The following MAN1A1 variants were observed in gnomAD, a reference collection of about 807,000 sequenced individuals.
MAN1A1 encodes the protein mannosidase alpha class 1A member 1, also known as mannosyl-oligosaccharide 1,2-alpha-mannosidase IA.
A neutral mutation model predicts 70.8 loss-of-function variants in MAN1A1; 29 were observed. The observed-to-expected ratio is 0.41, with a 90% CI of 0.31 to 0.56. The LOEUF (loss-of-function observed/expected upper bound fraction) is 0.56. Among genes scored for constraint, MAN1A1 ranks in the 20% least tolerant of loss-of-function variants. The pLI is 0.29. For missense variants in MAN1A1, 747 were observed against 841.3 expected (o/e 0.89, Z 1.39); for synonymous variants, 349 against 330.1 (o/e 1.06, Z -0.62).
At chr6:119,350,583 T>C, upstream of MAN1A1, 2 of 983,468 alleles carry the variant, frequency 2.0e-6, no homozygotes, top group Non-Finnish European at 2.4e-6. Context: ...TGCGGTAGCT[T>C]CAAGCAATAA....
chr6:119,183,445 A>G (rs11964813), intron 11 of MAN1A1, among the ~76,000 whole-genome samples: 26,056 of 152,064 alleles, frequency 0.17, 2,711 homozygotes, highest in East Asian at 0.3. Flanking sequence ...GATATGTAGA[A>G]TAAGCCAAAA....
At chr6:119,314,459 T>C (rs906857697) in intron 2 of MAN1A1, among the ~76,000 whole-genome samples, 2 of 152,212 alleles carry the variant, frequency 1.3e-5, no homozygotes, top group East Asian at 3.8e-4. Flanking sequence ...TGATATAATT[T>C]AACACATCCA....
In MAN1A1 at chr6:119,248,260, C is replaced by T. The variant is rs1775221293; in HGVS notation, c.992G>A (p.Ser331Asn). ...GIPWALLNMK[S>N]GIGRNWPWAS... Reference sequence around the variant, plus strand: ...TGTTGTTGAAAATGAAGAGTTTTACCTTTTCATATTCAGCAATGCCCAAGG... The same window carrying T: ...TGTTGTTGAAAATGAAGAGTTTTACTTTTTCATATTCAGCAATGCCCAAGG... The change falls in exon 6 of 13, where the codon AGT becomes AAT. Residue 331 changes from serine to asparagine, a missense_variant and splice_region_variant. This residue lies in a region of MAN1A1 where 419 missense variants were observed against 548.2 expected (regional missense o/e 0.76). Coordinates refer to ENST00000368468, the MANE Select transcript of MAN1A1 (RefSeq NM_005907.4). The T allele has an allele frequency of 6.3e-7, 1 of 1,596,452 alleles. No homozygotes were observed. The highest frequency in any genetic ancestry group is 8.6e-7 in the Non-Finnish European group (1 of 1,165,140).
At chr6:119,248,127 G>A in intron 6 of MAN1A1, 133 bp downstream of exon 6, 3 of 619,708 alleles carry the variant, frequency 4.8e-6, no homozygotes, top group Non-Finnish European at 8.4e-6. Flanking sequence ...CAAAAAGACA[G>A]ATCTCAAGAC....
chr6:119,220,047 A>G (rs1774316240), intron 6 of MAN1A1, among the ~76,000 whole-genome samples: 1 of 152,162 alleles, frequency 6.6e-6, no homozygotes, highest in Non-Finnish European at 1.5e-5. Context: ...CCACATGCAC[A>G]GGAAATTAAT....
Position 119,211,814 on chromosome 6 carries a change from C to CT in MAN1A1, c.993-6933dup, listed in dbSNP as rs556182640. Among the ~76,000 whole-genome samples, 1,175 of 144,490 alleles carry CT rather than the reference C, an allele frequency of 8.1e-3. 9 individuals are homozygous for CT. The highest frequency in any genetic ancestry group is 0.01 in the Non-Finnish European group (677 of 65,548). 94.8% of individuals were successfully genotyped at this position (144,490 alleles called of 152,430 possible). A position where few individuals can be genotyped will look rare whatever the true frequency, so the allele number is the denominator to read the frequency against. ...CCTACTTTTGTGATGTTAAGCTTATCTTTTTTTTTTAAATGAAATAATAGT... is the reference window on the plus strand; with the variant it reads ...CCTACTTTTGTGATGTTAAGCTTATCTTTTTTTTTTTAAATGAAATAATAGT... On this transcript the variant is annotated intron_variant, in intron 6 of 12. Coordinates refer to ENST00000368468, the MANE Select transcript of MAN1A1 (RefSeq NM_005907.4).
At chr6:119,259,424 C>T (rs1448987293) in intron 5 of MAN1A1, among the ~76,000 whole-genome samples, 2 of 152,178 alleles carry the variant, frequency 1.3e-5, no homozygotes, top group East Asian at 3.8e-4. Context: ...ACAAAGTCAA[C>T]TGAATACCTA....
At chr6:119,307,235 C>T (rs887101506) in intron 2 of MAN1A1, among the ~76,000 whole-genome samples, 2 of 152,116 alleles carry the variant, frequency 1.3e-5, no homozygotes, top group African/African-American at 4.8e-5. Context: ...CCATTTAATC[C>T]TATTTAATGC....
intron 2 of MAN1A1, among the ~76,000 whole-genome samples, chr6:119,317,343 T>C (rs1772881334): frequency 6.6e-6 from 1 of 152,198 alleles, no homozygotes; most frequent in East Asian, 1.9e-4. Flanking sequence ...ACTACCATAG[T>C]ATCATAGAGT....
rs751754185 is a variant in MAN1A1 at position 119,201,301 on chromosome 6, C to G, written c.1163G>C (p.Gly388Ala). Residue 388 changes from glycine (G) to alanine (A), a missense_variant, in exon 8 of 13, where the codon GGC becomes GCC. Coordinates refer to ENST00000368468, the MANE Select transcript of MAN1A1 (RefSeq NM_005907.4). ...TVLNKLEKPQ[G>A]LYPNYLNPSS... ...GGGATTCAGATAGTTAGGATAAAGGCCTTGTGGTTTTTCCAGTTTGTTCAG... is the reference window on the plus strand; with the variant it reads ...GGGATTCAGATAGTTAGGATAAAGGGCTTGTGGTTTTTCCAGTTTGTTCAG... 9 of 1,613,698 alleles carry G rather than the reference C, an allele frequency of 5.6e-6. No individual in the cohort carries two copies. Among genetic ancestry groups the G allele is most frequent in the Non-Finnish European group, 6.8e-6 (8 of 1,179,658 alleles).
intron 5 of MAN1A1, among the ~76,000 whole-genome samples, chr6:119,251,921 T>C (rs1313713582): frequency 9.2e-5 from 14 of 152,240 alleles, no homozygotes; most frequent in Admixed American, 5.9e-4. Context: ...GAGCCCTCTG[T>C]ATGCCTTGCT....
At chr6:119,256,831 A>C (rs1297185861) in intron 5 of MAN1A1, among the ~76,000 whole-genome samples, 1 of 152,212 alleles carries the variant, frequency 6.6e-6, no homozygotes, top group African/African-American at 2.4e-5. Flanking sequence ...AGACTTAATA[A>C]GCATTTACTA....
In MAN1A1 at chr6:119,272,693, A is replaced by G. The variant is rs1001028053; in HGVS notation, c.897+17990T>C. Among the ~76,000 whole-genome samples, 4 of 152,326 alleles carry G rather than the reference A, an allele frequency of 2.6e-5. No individual in the cohort carries two copies. In the East Asian group the frequency reaches 7.7e-4, roughly 29 times the overall value. ...AGAAATGCTCAATTTTTTTTAAAGAATACAAAATACATACTATTTTGTACC... is the reference window on the plus strand; with the variant it reads ...AGAAATGCTCAATTTTTTTTAAAGAGTACAAAATACATACTATTTTGTACC... On this transcript the variant is annotated intron_variant, in intron 5 of 12. Transcript: ENST00000368468.
At chr6:119,258,638 CCT>C (rs1775524053) in intron 5 of MAN1A1, among the ~76,000 whole-genome samples, 1 of 152,056 alleles carries the variant, frequency 6.6e-6, no homozygotes, top group Non-Finnish European at 1.5e-5. Flanking sequence ...ATCATAATTC[CCT>C]GACATATTTT....
chr6:119,302,176 G>A, intron 3 of MAN1A1, 73 bp from the exon 4 acceptor site: 1 of 696,012 alleles, frequency 1.4e-6, no homozygotes, highest in Non-Finnish European at 2.6e-6. Context: ...CCATAACTAA[G>A]AAAGGGAGAG....
chr6:119,287,263 G>A (rs1286713565), intron 5 of MAN1A1, among the ~76,000 whole-genome samples: 1 of 152,070 alleles, frequency 6.6e-6, no homozygotes. Context: ...TTTGTTCCAA[G>A]TTGCTCTTCA....
chr6:119,209,041 G>C (rs1044043193), intron 6 of MAN1A1, among the ~76,000 whole-genome samples: 2 of 143,060 alleles, frequency 1.4e-5, no homozygotes, highest in East Asian at 2.1e-4. Flanking sequence ...GTTGCAGTGA[G>C]CTGATTGCCA....
At chr6:119,346,849 G>T (rs1397071667) in intron 2 of MAN1A1, among the ~76,000 whole-genome samples, 1 of 152,238 alleles carries the variant, frequency 6.6e-6, no homozygotes, top group Non-Finnish European at 1.5e-5. Context: ...AAATTTAACA[G>T]AAACACAGGC....
chr6:119,317,589 C>A (rs114534770), intron 2 of MAN1A1, among the ~76,000 whole-genome samples: 5 of 151,994 alleles, frequency 3.3e-5, no homozygotes, highest in Admixed American at 2.6e-4. Flanking sequence ...AATAATATTT[C>A]TTTTTAGTGC....
Sources: allele counts gnomAD v4.1 joint callset (sites outside exome capture counted in the v4.1 genomes callset), GRCh38; gene constraint gnomAD v4.1.1; regional missense constraint gnomAD v4.1.1; transcripts MANE v1.5; gene names NCBI Gene and HGNC (gene_info 2026-07-23, HGNC 2026-07-21).